Variants in INSL6 observed in about 807,000 individuals in gnomAD.
The protein encoded by INSL6 is insulin like 6, also known as insulin-like peptide INSL6.
In INSL6, 16 loss-of-function variants were observed where a neutral mutation model predicts 9.4. That is an observed-to-expected ratio of 1.70 (90% CI 1.15 to 2.59). INSL6 has a LOEUF of 2.59. Among genes scored for constraint, INSL6 ranks in the 30% most tolerant of loss-of-function variants. INSL6 has a pLI of 0.00. For synonymous variants in INSL6, 154 were observed against 96.9 expected, an observed-to-expected ratio of 1.59 and a Z score of -3.46; for missense variants, 391 against 257.3, an observed-to-expected ratio of 1.52 and a Z score of -3.56.
At chr9:5,092,240 C>G in the INSL6 span, among the ~76,000 whole-genome samples, 3 of 152,032 alleles carry the variant, frequency 2.0e-5, no homozygotes, top group Non-Finnish European at 4.4e-5. Context: ...AGCAGTAAAC[C>G]AAGAGTAGAG....
At chr9:5,114,980 A>G in the INSL6 span, among the ~76,000 whole-genome samples, 7 of 152,206 alleles carry the variant, frequency 4.6e-5, no homozygotes, top group African/African-American at 1.4e-4. Flanking sequence ...AGGAAAACCT[A>G]GGCAATACCA....
chr9:5,104,941 C>A, the INSL6 span, among the ~76,000 whole-genome samples: 1 of 152,300 alleles, frequency 6.6e-6, no homozygotes, highest in Middle Eastern at 3.4e-3. Context: ...GACAAACTCA[C>A]AGCCAATATC....
chr9:5,033,743 C>T, the INSL6 span, among the ~76,000 whole-genome samples: 10 of 152,086 alleles, frequency 6.6e-5, no homozygotes, highest in Non-Finnish European at 1.3e-4. Flanking sequence ...GAAGGAAGCA[C>T]TAAACATAGA....
At chr9:5,028,020 A>G in the INSL6 span, among the ~76,000 whole-genome samples, 96 of 152,202 alleles carry the variant, frequency 6.3e-4, no homozygotes, top group Non-Finnish European at 1.1e-3. Flanking sequence ...CTCATGAACT[A>G]CAAATGTTTT....
chr9:5,076,129 C>A, the INSL6 span, among the ~76,000 whole-genome samples: 1 of 152,110 alleles, frequency 6.6e-6, no homozygotes, highest in African/African-American at 2.4e-5. Context: ...TATGGATAAG[C>A]AGAGAAAGTG....
the INSL6 span, among the ~76,000 whole-genome samples, chr9:5,015,527 CTTTTTCTTTTCT>C: frequency 0.013 from 1,892 of 140,574 alleles, 29 homozygotes; most frequent in Non-Finnish European, 0.019. Flanking sequence ...TATTCTTTTT[CTTTTTCTTTTCT>C]TTTTTTTTTT....
the INSL6 span, among the ~76,000 whole-genome samples, chr9:5,072,830 T>A: frequency 6.6e-6 from 1 of 152,308 alleles, no homozygotes; most frequent in East Asian, 1.9e-4. Flanking sequence ...TCCAAACTAA[T>A]TATGTTTAGC....
the INSL6 span, chr9:5,073,567 A>G: frequency 1.4e-6 from 1 of 705,366 alleles, no homozygotes; most frequent in South Asian, 1.7e-5. Flanking sequence ...GGACCAAAGC[A>G]CATTGTATCC....
chr9:5,110,447 CAT>C, the INSL6 span: 1 of 152,672 alleles, frequency 6.5e-6, no homozygotes, highest in Admixed American at 6.5e-5. Context: ...CATTCCTTCA[CAT>C]GTGCACCCAC....
the INSL6 span, among the ~76,000 whole-genome samples, chr9:5,073,966 G>T: frequency 6.6e-6 from 1 of 152,110 alleles, no homozygotes; most frequent in Admixed American, 6.6e-5. Flanking sequence ...AAAAAGGAAA[G>T]CAATGAAGTT....
chr9:5,076,605 G>T, the INSL6 span, among the ~76,000 whole-genome samples: 35 of 152,118 alleles, frequency 2.3e-4, 1 homozygote, highest in Middle Eastern at 3.4e-3. Flanking sequence ...TATGCATTGG[G>T]ATACCAAGAA....
At chr9:5,044,360 T>G in the INSL6 span, 6 of 1,228,680 alleles carry the variant, frequency 4.9e-6, no homozygotes, top group East Asian at 1.2e-4. Flanking sequence ...CGTTTGTATT[T>G]GAACTATTTG....
At chr9:5,181,660 T>C (rs1483439417) in intron 1 of INSL6, among the ~76,000 whole-genome samples, 1 of 152,192 alleles carries the variant, frequency 6.6e-6, no homozygotes, top group Non-Finnish European at 1.5e-5. Flanking sequence ...AATAGACAGA[T>C]GTCAAAATGG....
At chr9:5,025,538 C>CA in the INSL6 span, among the ~76,000 whole-genome samples, 1 of 140,352 alleles carries the variant, frequency 7.1e-6, no homozygotes, top group Non-Finnish European at 1.5e-5. Context: ...AGTTTGTTTC[C>CA]TTTTTTTTTT....
At chr9:5,111,460 G>A in the INSL6 span, 81 of 390,006 alleles carry the variant, frequency 2.1e-4, no homozygotes, top group African/African-American at 1.2e-3. Flanking sequence ...CATCCTCGGC[G>A]TACCTGCCCA....
At chr9:5,027,278 A>G in the INSL6 span, among the ~76,000 whole-genome samples, 1 of 152,358 alleles carries the variant, frequency 6.6e-6, no homozygotes, top group African/African-American at 2.4e-5. Context: ...AGCAAATCAC[A>G]TGAAGTTTTA....
At chr9:5,089,583 A>C in the INSL6 span, 2 of 376,608 alleles carry the variant, frequency 5.3e-6, no homozygotes, top group Middle Eastern at 7.6e-4. Context: ...TGCTAATTCC[A>C]GCTACTAGAA....
chr9:5,130,594 T>A (rs938763953), intron 3 of INSL6, among the ~76,000 whole-genome samples: 1 of 152,208 alleles, frequency 6.6e-6, no homozygotes, highest in Non-Finnish European at 1.5e-5. Flanking sequence ...AATGTTTAGG[T>A]GCTTTTCATA....
At chr9:5,048,298 C>T in the INSL6 span, among the ~76,000 whole-genome samples, 10 of 151,942 alleles carry the variant, frequency 6.6e-5, no homozygotes, top group Non-Finnish European at 1.2e-4. Flanking sequence ...CCTGCCACTA[C>T]GCCCGGCTAA....
Sources: gnomAD v4.1 joint callset for allele counts (sites outside exome capture counted in the v4.1 genomes callset) on GRCh38, gnomAD v4.1.1 for gene constraint, MANE v1.5 for transcripts, NCBI Gene and HGNC (gene_info 2026-07-23, HGNC 2026-07-21) for gene names.